Variants in FOXP2 observed in about 807,000 individuals in gnomAD.
FOXP2 encodes forkhead box P2.
A neutral mutation model predicts 115.8 loss-of-function variants in FOXP2; 12 were observed. The observed-to-expected ratio is 0.10, with a 90% CI of 0.07 to 0.17. FOXP2 has a LOEUF of 0.17. FOXP2 is among the 10% of genes least tolerant of loss of function. The pLI is 1.00. For synonymous variants in FOXP2, 328 were observed against 297.7 expected (o/e 1.10, Z -1.05); for missense variants, 629 against 843.5 (o/e 0.75, Z 3.15).
chr7:114,363,704 G>A lies in FOXP2; in HGVS notation c.-10-62798G>A, dbSNP rs373530638. On this transcript the variant is annotated intron_variant, in intron 2 of 17. Coordinates refer to the FOXP2 transcript ENST00000634411. ...ATGTTGCATATTTTTAAACTCTTAC[G>A]TGATCTTTTAAAACATGCTAGATAA... is the stretch of plus-strand genomic sequence containing the variant. Among the ~76,000 whole-genome samples, 75 of 151,866 alleles carry A rather than the reference G, an allele frequency of 4.9e-4. 1 individual carries two copies. Among genetic ancestry groups the A allele is most frequent in the African/African-American group, 1.5e-3 (62 of 41,428 alleles).
At chr7:114,375,598 C>A (rs376705365) in intron 2 of FOXP2, among the ~76,000 whole-genome samples, 2 of 152,154 alleles carry the variant, frequency 1.3e-5, no homozygotes, top group African/African-American at 2.4e-5. Flanking sequence ...TTGGGCAGAC[C>A]TCAGTAAGGA....
chr7:114,483,603 A>G (rs1796646752), intron 2 of FOXP2, among the ~76,000 whole-genome samples: 1 of 151,642 alleles, frequency 6.6e-6, no homozygotes, highest in South Asian at 2.1e-4. Context: ...TCCTTTCTCA[A>G]GCTTATCTGA....
intron 2 of FOXP2, among the ~76,000 whole-genome samples, chr7:114,327,031 C>T (rs1462124460): frequency 1.3e-5 from 2 of 152,160 alleles, no homozygotes; most frequent in African/African-American, 4.8e-5. Context: ...TCCTTTGGCT[C>T]AGAGCATAGA....
intron 2 of FOXP2, among the ~76,000 whole-genome samples, chr7:114,364,494 G>A (rs1221331741): frequency 6.6e-6 from 1 of 152,054 alleles, no homozygotes; most frequent in Non-Finnish European, 1.5e-5. Flanking sequence ...GACAACACAT[G>A]GTTGTTTATA....
intron 2 of FOXP2, among the ~76,000 whole-genome samples, chr7:114,480,849 A>G (rs916789731): frequency 2.0e-5 from 3 of 151,076 alleles, no homozygotes; most frequent in Non-Finnish European, 4.5e-5. Context: ...ATTGCTCTAA[A>G]GAGTTGACAG....
In FOXP2 at chr7:114,688,249, C is replaced by CTTT. The variant is rs111370043; in HGVS notation, c.2004-1522_2004-1520dup. Among the ~76,000 whole-genome samples the CTTT allele has an allele frequency of 2.6e-3, 299 of 116,514 alleles. 3 individuals carry two copies. Among genetic ancestry groups the CTTT allele is most frequent in the Middle Eastern group, 5.0e-3 (1 of 200 alleles). 76.4% of individuals were successfully genotyped at this position (116,514 alleles called of 152,430 possible). ...CACACACACACACACACACACACAT[C>CTTT]TTTTTTTTTTTTTGGCCTAGTTTTG... On this transcript the variant is annotated intron_variant, in intron 16 of 16. Coordinates refer to ENST00000350908, the MANE Select transcript of FOXP2 (RefSeq NM_014491.4).
At chr7:114,095,131 A>G (rs796736488) in intron 1 of FOXP2, among the ~76,000 whole-genome samples, 11 of 152,344 alleles carry the variant, frequency 7.2e-5, no homozygotes, top group African/African-American at 2.6e-4. Context: ...ATGGTTTACT[A>G]TAAAGAGTAA....
At chr7:114,365,433 T>G (rs1399793665) in intron 2 of FOXP2, among the ~76,000 whole-genome samples, 1 of 152,114 alleles carries the variant, frequency 6.6e-6, no homozygotes, top group Non-Finnish European at 1.5e-5. Context: ...ATGATTTTGA[T>G]TCTAATACTA....
chr7:114,552,567 A>T lies in FOXP2; in HGVS notation c.258+17861A>T, dbSNP rs1405121211. Among the ~76,000 whole-genome samples, 4 of 152,230 alleles carry T rather than the reference A, an allele frequency of 2.6e-5. No homozygotes were observed. The South Asian group carries it at 8.3e-4, about 31-fold the overall frequency. On this transcript the variant is annotated intron_variant, in intron 3 of 16. Coordinates refer to ENST00000350908, the MANE Select transcript of FOXP2 (RefSeq NM_014491.4). ...AGTTTTCCCCTTATCAGCAAAAACA[A>T]GAAGAAGCAAGATTATTTTAAAAGT...
chr7:114,296,434 A>G (rs1435914862), intron 2 of FOXP2, among the ~76,000 whole-genome samples: 2 of 152,216 alleles, frequency 1.3e-5, no homozygotes, highest in Non-Finnish European at 2.9e-5. Flanking sequence ...CATTTTATTC[A>G]CTAATCAAGA....
intron 2 of FOXP2, among the ~76,000 whole-genome samples, chr7:114,334,341 A>G (rs990119498): frequency 1.3e-5 from 2 of 151,336 alleles, no homozygotes; most frequent in African/African-American, 4.8e-5. Flanking sequence ...GAATAAGTCT[A>G]GGAGGTAAGG....
At chr7:114,169,395 G>T (rs979295505) in intron 1 of FOXP2, among the ~76,000 whole-genome samples, 4 of 152,210 alleles carry the variant, frequency 2.6e-5, no homozygotes, top group African/African-American at 9.7e-5. Flanking sequence ...GATCATTTTG[G>T]AGCTTTAAGA....
chr7:114,246,832 A>G (rs1357357713), intron 1 of FOXP2, among the ~76,000 whole-genome samples: 1 of 152,142 alleles, frequency 6.6e-6, no homozygotes, highest in African/African-American at 2.4e-5. Context: ...ATGCAGAGTC[A>G]CCAGATAGTT....
At chr7:114,231,996 T>A (rs1794888284) in intron 1 of FOXP2, among the ~76,000 whole-genome samples, 1 of 151,870 alleles carries the variant, frequency 6.6e-6, no homozygotes, top group South Asian at 2.1e-4. Context: ...AAAAAGGAAC[T>A]CCTACATCTC....
At chr7:114,392,375 A>C (rs974593759) in intron 2 of FOXP2, among the ~76,000 whole-genome samples, 1 of 152,148 alleles carries the variant, frequency 6.6e-6, no homozygotes, top group Non-Finnish European at 1.5e-5. Context: ...GGAAGGTTTT[A>C]AAGTGTTGCC....
chr7:114,210,887 A>T (rs1201049129), intron 1 of FOXP2, among the ~76,000 whole-genome samples: 1 of 152,104 alleles, frequency 6.6e-6, no homozygotes, highest in Non-Finnish European at 1.5e-5. Flanking sequence ...GAGGAAATCG[A>T]TCGGGGTCCC....
chr7:114,208,430 G>A (rs1794255594), intron 1 of FOXP2, among the ~76,000 whole-genome samples: 1 of 152,124 alleles, frequency 6.6e-6, no homozygotes, highest in African/African-American at 2.4e-5. Flanking sequence ...GGCTTATAGG[G>A]GGAAGGGACT....
At chr7:114,201,982 C>T (rs545490702) in intron 1 of FOXP2, among the ~76,000 whole-genome samples, 1 of 152,198 alleles carries the variant, frequency 6.6e-6, no homozygotes, top group Non-Finnish European at 1.5e-5. Context: ...GGAAACTATA[C>T]TCTGTCTGCC....
chr7:114,563,053 C>T (rs1000205104), intron 3 of FOXP2, among the ~76,000 whole-genome samples: 1 of 152,094 alleles, frequency 6.6e-6, no homozygotes, highest in African/African-American at 2.4e-5. Flanking sequence ...AGAGCATGTG[C>T]AGGGACACTC....
Sources: gnomAD v4.1 joint callset for allele counts (sites outside exome capture counted in the v4.1 genomes callset) on GRCh38, gnomAD v4.1.1 for gene constraint, MANE v1.5 for transcripts, NCBI Gene and HGNC (gene_info 2026-07-23, HGNC 2026-07-21) for gene names.